Variants in TENM1 observed in about 807,000 individuals in gnomAD.
The protein encoded by TENM1 is teneurin-1.
In TENM1, 35 loss-of-function variants were observed where a neutral mutation model predicts 174.8. That is an observed-to-expected ratio of 0.20 (90% CI 0.15 to 0.27). The LOEUF is 0.27. Ranked by LOEUF, TENM1 falls within the 10% of genes least tolerant of loss-of-function variation. The pLI is 1.00. For missense variants in TENM1, 1,633 were observed against 2,130.1 expected (o/e 0.77, Z 4.59); for synonymous variants, 781 against 798.7 (o/e 0.98, Z 0.37).
At chrX:124,471,257 T>TTATATAGTACTATA in intron 22 of TENM1, among the ~76,000 whole-genome samples, 1 of 60,269 alleles carries the variant, frequency 1.7e-5, no homozygotes, top group Non-Finnish European at 2.7e-5. Context: ...ATAATATATA[T>TTATATAGTACTATA]TATAATATAT....
At chrX:124,632,371 G>T (rs2050782008) in intron 11 of TENM1, among the ~76,000 whole-genome samples, 1 of 111,245 alleles carries the variant, frequency 9.0e-6, no homozygotes, top group African/African-American at 3.3e-5. Context: ...TACCGTGTGG[G>T]TGTTATGAGA....
intron 15 of TENM1, among the ~76,000 whole-genome samples, chrX:124,531,475 G>A (rs978495693): frequency 9.0e-6 from 1 of 111,714 alleles, no homozygotes; most frequent in African/African-American, 3.3e-5. Context: ...ATGCTAATAG[G>A]ATTTATCCTC....
At chrX:124,952,265 C>T (rs1404394056) in intron 1 of TENM1, among the ~76,000 whole-genome samples, 1 of 109,888 alleles carries the variant, frequency 9.1e-6, no homozygotes, top group Admixed American at 9.8e-5. Flanking sequence ...TAAGAAAATG[C>T]AATCAATAGA....
At chrX:124,803,628 CTTGT>C (rs912917730) in intron 3 of TENM1, among the ~76,000 whole-genome samples, 28 of 112,297 alleles carry the variant, frequency 2.5e-4, no homozygotes, top group African/African-American at 9.1e-4. Flanking sequence ...ATGTGTATTG[CTTGT>C]TTATTTGTGA....
At chrX:124,951,917 C>T (rs1437783270) in intron 1 of TENM1, among the ~76,000 whole-genome samples, 3 of 109,782 alleles carry the variant, frequency 2.7e-5, no homozygotes, top group African/African-American at 9.9e-5. Flanking sequence ...CAGGTATGTT[C>T]CCTGGTCCAT....
Position 124,382,865 on chromosome X carries a change from C to G in TENM1, c.7298-53G>C, listed in dbSNP as rs186876227. ...AATGAAAAATCCCATACTTTATAAG[C>G]TTTGTTGAAAACTTGAAAGATACCT... On this transcript the variant is annotated intron_variant, in intron 30 of 31. Transcript: ENST00000422452. 137 of 1,065,075 alleles carry G rather than the reference C, an allele frequency of 1.3e-4. 1 individual carries two copies. In the Admixed American group the frequency reaches 4.6e-3, roughly 36 times the overall value. The allele number at this position is 1,065,075 out of a possible 1,213,427, so 87.8% of individuals were successfully genotyped here.
intron 20 of TENM1, among the ~76,000 whole-genome samples, chrX:124,494,873 T>C (rs1339885760): frequency 3.0e-5 from 3 of 101,655 alleles, no homozygotes; most frequent in Non-Finnish European, 6.0e-5. Flanking sequence ...TAGTATTCCA[T>C]GGTGTATATG....
chrX:124,785,558 T>G (rs185865237), intron 3 of TENM1, among the ~76,000 whole-genome samples: 6 of 112,347 alleles, frequency 5.3e-5, no homozygotes, highest in Admixed American at 4.7e-4. Flanking sequence ...CCAAATACTT[T>G]GACCACTGAC....
chrX:124,667,625 ACT>A (rs1283846818), intron 6 of TENM1, among the ~76,000 whole-genome samples: 1 of 109,003 alleles, frequency 9.2e-6, no homozygotes, highest in African/African-American at 3.3e-5. Context: ...AGTTTGTAAG[ACT>A]CTAATGTAGT....
At chrX:125,161,039 T>TAAAAAAA in the TENM1 span, among the ~76,000 whole-genome samples, 527 of 52,722 alleles carry the variant, frequency 1.0e-2, no homozygotes, top group Non-Finnish European at 0.014. Context: ...GGCCAAAAAG[T>TAAAAAAA]AAAAAAAAAA....
chrX:124,464,884 T>A (rs1187465344), intron 22 of TENM1, among the ~76,000 whole-genome samples: 4 of 112,106 alleles, frequency 3.6e-5, no homozygotes, highest in Non-Finnish European at 7.5e-5. Flanking sequence ...AATGCTGGGA[T>A]GTTTTGTTCA....
intron 3 of TENM1, among the ~76,000 whole-genome samples, chrX:124,862,365 A>G (rs2147443765): frequency 8.9e-6 from 1 of 111,778 alleles, no homozygotes; most frequent in African/African-American, 3.3e-5. Flanking sequence ...CACTGAAGAG[A>G]TAGAAAAAAC....
chrX:124,844,483 G>A (rs1422715246), intron 3 of TENM1, among the ~76,000 whole-genome samples: 1 of 111,268 alleles, frequency 9.0e-6, no homozygotes, highest in Non-Finnish European at 1.9e-5. Flanking sequence ...TCTTGGTCTT[G>A]ATGGACTGTG....
chrX:125,163,634 G>C, the TENM1 span, among the ~76,000 whole-genome samples: 1 of 111,106 alleles, frequency 9.0e-6, no homozygotes, highest in Non-Finnish European at 1.9e-5. Context: ...AGAGAAGCCT[G>C]TTTCCTAACA....
At chrX:124,411,261 T>C (rs938295945) in intron 25 of TENM1, among the ~76,000 whole-genome samples, 1 of 111,830 alleles carries the variant, frequency 8.9e-6, no homozygotes, top group African/African-American at 3.3e-5. Context: ...TAAAGATTCC[T>C]AGATAAGACT....
At chrX:124,999,296 G>A in the TENM1 span, among the ~76,000 whole-genome samples, 2 of 110,756 alleles carry the variant, frequency 1.8e-5, no homozygotes, top group South Asian at 3.8e-4. Flanking sequence ...TATGAGATAC[G>A]CAAGCACAGA....
chrX:124,493,748 T>C (rs761409104), intron 20 of TENM1, among the ~76,000 whole-genome samples: 1 of 111,768 alleles, frequency 8.9e-6, no homozygotes, highest in African/African-American at 3.2e-5. Context: ...AGAGATATGC[T>C]GCTGGAAATG....
intron 25 of TENM1, among the ~76,000 whole-genome samples, chrX:124,418,444 C>T (rs1304123724): frequency 1.8e-5 from 2 of 109,788 alleles, no homozygotes; most frequent in African/African-American, 6.7e-5. Context: ...GAGGCCTTTC[C>T]TGTCCACCCA....
intron 1 of TENM1, among the ~76,000 whole-genome samples, chrX:124,910,917 A>ATT (rs751665035): frequency 1.8e-3 from 182 of 101,910 alleles, no homozygotes; most frequent in African/African-American, 6.0e-3. Context: ...ATATATTATA[A>ATT]TTTTTTTTTT....
Sources: gnomAD v4.1 joint callset for allele counts (sites outside exome capture counted in the v4.1 genomes callset) on GRCh38, gnomAD v4.1.1 for gene constraint, MANE v1.5 for transcripts, NCBI Gene and HGNC (gene_info 2026-07-23, HGNC 2026-07-21) for gene names.